MAML3: variants seen among roughly 807,000 people sequenced by gnomAD.
The protein encoded by MAML3 is mastermind like transcriptional coactivator 3, also known as mastermind-like protein 3.
Under a neutral mutation model 101.9 loss-of-function variants are expected in MAML3, and 27 were observed. That is an observed-to-expected ratio of 0.27 (90% CI 0.20 to 0.37). The LOEUF is 0.37. MAML3 is among the 10% of genes least tolerant of loss of function. The pLI is 1.00. For missense variants in MAML3, 1,316 were observed against 1,444.9 expected, an observed-to-expected ratio of 0.91 and a Z score of 1.45; for synonymous variants, 501 against 555.9, an observed-to-expected ratio of 0.90 and a Z score of 1.39.
At chr4:139,935,816 T>C (rs746945122) in intron 1 of MAML3, among the ~76,000 whole-genome samples, 1 of 152,206 alleles carries the variant, frequency 6.6e-6, no homozygotes, top group Non-Finnish European at 1.5e-5. Context: ...TATGTATACA[T>C]GGCAAAATAA....
chr4:139,912,140 T>C (rs144967032), intron 1 of MAML3, among the ~76,000 whole-genome samples: 315 of 152,328 alleles, frequency 2.1e-3, no homozygotes, highest in South Asian at 5.0e-3. Context: ...CTGTTTTCCA[T>C]AGTGGCTGCA....
intron 1 of MAML3, among the ~76,000 whole-genome samples, chr4:140,042,207 G>A (rs1187662205): frequency 6.6e-6 from 1 of 152,216 alleles, no homozygotes; most frequent in Non-Finnish European, 1.5e-5. Context: ...ATAAGTGAAT[G>A]AATGCAAAAG....
At chr4:139,894,276 T>G (rs572555654) in intron 1 of MAML3, among the ~76,000 whole-genome samples, 1 of 152,072 alleles carries the variant, frequency 6.6e-6, no homozygotes, top group Non-Finnish European at 1.5e-5. Flanking sequence ...TTTGGGAGGC[T>G]GAGGTGGGCA....
intron 1 of MAML3, among the ~76,000 whole-genome samples, chr4:139,934,082 T>C (rs899386718): frequency 1.3e-5 from 2 of 152,126 alleles, no homozygotes; most frequent in African/African-American, 4.8e-5. Flanking sequence ...TGTGTGAATA[T>C]ATGAATGTGT....
chr4:139,807,435 T>C (rs1198052235), intron 2 of MAML3, among the ~76,000 whole-genome samples: 1 of 152,156 alleles, frequency 6.6e-6, no homozygotes, highest in African/African-American at 2.4e-5. Context: ...GCAGGAGCCA[T>C]CTTTGGTTCA....
intron 1 of MAML3, among the ~76,000 whole-genome samples, chr4:139,899,498 G>A (rs2111209948): frequency 6.6e-6 from 1 of 152,276 alleles, no homozygotes; most frequent in East Asian, 1.9e-4. Context: ...GAACTGAGGG[G>A]TGCTCTGTGT....
At chr4:139,803,277 T>C (rs1730640905) in intron 2 of MAML3, among the ~76,000 whole-genome samples, 1 of 152,172 alleles carries the variant, frequency 6.6e-6, no homozygotes. Context: ...ATATATAAAA[T>C]ATAAAATGAA....
intron 1 of MAML3, among the ~76,000 whole-genome samples, chr4:140,122,238 T>TG (rs1407662850): frequency 6.6e-6 from 1 of 151,422 alleles, no homozygotes; most frequent in African/African-American, 2.4e-5. Context: ...TTTTTTTTTT[T>TG]TAAACAGAGT....
intron 1 of MAML3, among the ~76,000 whole-genome samples, chr4:139,944,032 G>A (rs1395379367): frequency 1.3e-5 from 2 of 151,724 alleles, no homozygotes; most frequent in Non-Finnish European, 2.9e-5. Context: ...CACCACACCC[G>A]ACTAATATTT....
At chr4:139,958,467 T>C (rs1171596081) in intron 1 of MAML3, among the ~76,000 whole-genome samples, 2 of 152,178 alleles carry the variant, frequency 1.3e-5, no homozygotes. Flanking sequence ...AGTGCACTCA[T>C]AAAGCTAAAA....
At chr4:139,888,978 G>A (rs1476501822) in intron 2 of MAML3, among the ~76,000 whole-genome samples, 1 of 152,194 alleles carries the variant, frequency 6.6e-6, no homozygotes, top group Non-Finnish European at 1.5e-5. Context: ...AATGTCCCCT[G>A]CTTCCCACCA....
At chr4:140,021,840 G>T (rs936163317) in intron 1 of MAML3, among the ~76,000 whole-genome samples, 1 of 152,050 alleles carries the variant, frequency 6.6e-6, no homozygotes, top group African/African-American at 2.4e-5. Context: ...TGCCCCATCA[G>T]GTCCACCCCA....
chr4:139,860,862 C>T (rs561002337), intron 2 of MAML3, among the ~76,000 whole-genome samples: 5 of 152,100 alleles, frequency 3.3e-5, no homozygotes, highest in South Asian at 4.2e-4. Context: ...ACTTTTGATC[C>T]GGTAATGATT....
intron 1 of MAML3, among the ~76,000 whole-genome samples, chr4:139,947,058 A>G (rs780593310): frequency 6.6e-6 from 1 of 151,998 alleles, no homozygotes; most frequent in Non-Finnish European, 1.5e-5. Context: ...ACATTGCACA[A>G]CCTTTCCAAT....
At chr4:139,931,473 T>C (rs745412401) in intron 1 of MAML3, among the ~76,000 whole-genome samples, 17 of 152,218 alleles carry the variant, frequency 1.1e-4, no homozygotes, top group Non-Finnish European at 1.6e-4. Context: ...CTCCATGTTA[T>C]TTTAGGTAAT....
rs570805279 is a variant in MAML3, at chr4:139,890,333, T to C, written c.1103A>G (p.His368Arg). The C allele has an allele frequency of 2.9e-5, 47 of 1,610,892 alleles. No individual in the cohort carries two copies. The East Asian group carries it at 8.9e-4, about 31-fold the overall frequency. Residue 368 changes from histidine (H) to arginine (R), a missense_variant, in exon 2 of 5, where the codon CAT becomes CGT. Coordinates refer to ENST00000509479, the MANE Select transcript of MAML3 (RefSeq NM_018717.5). This position sits in a 1 kb window ranked among gnomAD's most constrained non-coding sequence, Gnocchi z 4.1. ...KSDPSHSPFA[H>R]VSMGSPQARP... ...CGCCTGGGGAGATCCCATGGAGACATGTGCGAAGGGAGAGTGAGAGGGGTC... is the reference window on the plus strand; with the variant it reads ...CGCCTGGGGAGATCCCATGGAGACACGTGCGAAGGGAGAGTGAGAGGGGTC...
chr4:139,796,671 A>G lies in MAML3; in HGVS notation c.2080-66004T>C, dbSNP rs1439485059. On this transcript the variant is annotated intron_variant, in intron 2 of 4. Coordinates refer to ENST00000509479, the MANE Select transcript of MAML3 (RefSeq NM_018717.5). ...AGACCATGGTTTAGCTTGCCCTACC[A>G]GAACCTAGAGCAAATACCTAATATG... 5.9e-5 allele frequency among the ~76,000 whole-genome samples: 9 copies of G among 152,334 alleles called. No homozygotes were observed. The South Asian group carries it at 1.0e-3, about 18-fold the overall frequency.
intron 1 of MAML3, among the ~76,000 whole-genome samples, chr4:140,077,375 C>T (rs1727787425): frequency 6.6e-6 from 1 of 152,220 alleles, no homozygotes; most frequent in Non-Finnish European, 1.5e-5. Context: ...CCTCACCCAA[C>T]AAAATCTTGC....
chr4:139,802,197 G>A (rs1730622157), intron 2 of MAML3, among the ~76,000 whole-genome samples: 1 of 152,152 alleles, frequency 6.6e-6, no homozygotes, highest in Non-Finnish European at 1.5e-5. Context: ...ATAGCCTGAA[G>A]ATATCCTATA....
Sources: gnomAD v4.1 joint callset for allele counts (sites outside exome capture counted in the v4.1 genomes callset) on GRCh38, gnomAD v4.1.1 for gene constraint, Gnocchi (gnomAD v3.1) non-coding constraint, MANE v1.5 for transcripts, NCBI Gene and HGNC (gene_info 2026-07-23, HGNC 2026-07-21) for gene names.